TRDN: variants seen among roughly 807,000 people sequenced by gnomAD.
TRDN encodes triadin in skeletal muscle.
Under a neutral mutation model 149.7 loss-of-function variants are expected in TRDN, and 161 were observed. That is an observed-to-expected ratio of 1.08 (90% confidence interval 0.95 to 1.23). The LOEUF is 1.23. TRDN is among the 50% of genes most tolerant of loss of function. The pLI is 0.00. For missense variants in TRDN, 896 were observed against 823.5 expected (o/e 1.09, Z -1.08); for synonymous variants, 294 against 250.5 (o/e 1.17, Z -1.64).
At chr6:123,516,843 A>C (rs1583176048) in intron 5 of TRDN, among the ~76,000 whole-genome samples, 1 of 152,176 alleles carries the variant, frequency 6.6e-6, no homozygotes, top group East Asian at 1.9e-4. Context: ...TGCTAGAAAC[A>C]TGAGACTCAT....
chr6:123,486,956 C>G (rs1164637228), intron 9 of TRDN, among the ~76,000 whole-genome samples: 2 of 151,860 alleles, frequency 1.3e-5, no homozygotes, highest in Admixed American at 1.3e-4. Context: ...GATAGTAGAA[C>G]AAAGGCTAGG....
In TRDN at chr6:123,312,640, C is replaced by A. The variant is rs1483297103; in HGVS notation, c.1510+3817G>T. Among the ~76,000 whole-genome samples the A allele has an allele frequency of 1.3e-5, 2 of 151,852 alleles. 1 individual carries two copies. The highest frequency in any genetic ancestry group is 4.1e-4 in the South Asian group (2 of 4,824). ...TTCAACTGCATGGGGGTTAATGAACCTAACTACCACATTGTTCAAGAGTCA... is the reference window on the plus strand; with the variant it reads ...TTCAACTGCATGGGGGTTAATGAACATAACTACCACATTGTTCAAGAGTCA... On this transcript the variant is annotated intron_variant, in intron 24 of 40. Coordinates refer to ENST00000334268, the MANE Select transcript of TRDN (RefSeq NM_006073.4).
intron 24 of TRDN, among the ~76,000 whole-genome samples, chr6:123,295,785 G>A (rs548560032): frequency 3.9e-5 from 6 of 151,942 alleles, no homozygotes; most frequent in Admixed American, 6.6e-5. Flanking sequence ...CCAACACAGC[G>A]AAACCCCATC....
chr6:123,496,709 T>A (rs9375255), intron 9 of TRDN, among the ~76,000 whole-genome samples: 126,052 of 152,032 alleles, frequency 0.83, 52,470 homozygotes, highest in East Asian at 0.88. Context: ...TCTATCTCCA[T>A]CAATAGTTCT....
chr6:123,593,537 G>T (rs1312923661), intron 1 of TRDN, among the ~76,000 whole-genome samples: 1 of 152,224 alleles, frequency 6.6e-6, no homozygotes, highest in Non-Finnish European at 1.5e-5. Flanking sequence ...AGTATTGATA[G>T]GGTTCTTTCT....
intron 1 of TRDN, among the ~76,000 whole-genome samples, chr6:123,599,651 A>T (rs1165521242): frequency 6.6e-6 from 1 of 151,934 alleles, no homozygotes; most frequent in African/African-American, 2.4e-5. Context: ...GGTTATTTGG[A>T]GCACAAATGT....
In TRDN at chr6:123,218,500, G is replaced by C. The variant is rs1241550871; in HGVS notation, c.*101C>G. 11 of 1,398,310 alleles carry C rather than the reference G, an allele frequency of 7.9e-6. No individual in the cohort carries two copies. Among genetic ancestry groups the C allele is most frequent in the Non-Finnish European group, 1.1e-5 (11 of 1,042,664 alleles). The allele number at this position is 1,398,310 out of a possible 1,614,324, so 86.6% of individuals were successfully genotyped here. A position where few individuals can be genotyped will look rare whatever the true frequency, so the allele number is the denominator to read the frequency against. ...GGCCAAAGAGCAAAATGTTTTCACA[G>C]AAATTCTCTGGGTTGCATATTCTTA... On this transcript the variant is annotated 3_prime_UTR_variant, in exon 41 of 41. Coordinates refer to ENST00000334268, the MANE Select transcript of TRDN (RefSeq NM_006073.4).
intron 38 of TRDN, among the ~76,000 whole-genome samples, chr6:123,240,953 C>A (rs1775968356): frequency 6.6e-6 from 1 of 151,730 alleles, no homozygotes; most frequent in Non-Finnish European, 1.5e-5. Context: ...TAGAAAGTAT[C>A]ATTAATTTAA....
chr6:123,577,091 C>T (rs535508907), intron 1 of TRDN, among the ~76,000 whole-genome samples: 1 of 152,218 alleles, frequency 6.6e-6, no homozygotes, highest in Non-Finnish European at 1.5e-5. Context: ...CAAGTGCCTT[C>T]ATTTGCTCAG....
chr6:123,335,446 T>C (rs371019859), intron 22 of TRDN, among the ~76,000 whole-genome samples: 386 of 151,960 alleles, frequency 2.5e-3, no homozygotes, highest in African/African-American at 8.6e-3. Context: ...GAAAATTACG[T>C]ATATAAGGTT....
intron 14 of TRDN, among the ~76,000 whole-genome samples, 181 bp downstream of exon 14, chr6:123,388,316 GAAAGACTAGATTAAAATTACTTTCA>G: frequency 6.6e-6 from 1 of 152,184 alleles, no homozygotes. Flanking sequence ...TATATCTTGA[GAAAGACTAGATTAAAATTACTTTCA>G]AAAAGTAGCT....
intron 1 of TRDN, among the ~76,000 whole-genome samples, chr6:123,632,825 G>A (rs1479336572): frequency 1.3e-5 from 2 of 151,814 alleles, no homozygotes. Context: ...TGTTTGCCTA[G>A]TTGTTAAGTA....
intron 20 of TRDN, among the ~76,000 whole-genome samples, chr6:123,356,549 A>ATATATATATG (rs1388124032): frequency 8.6e-6 from 1 of 116,276 alleles, no homozygotes; most frequent in Non-Finnish European, 1.8e-5. Context: ...ATATATATAT[A>ATATATATATG]GTTGTTGCTC....
intron 9 of TRDN, among the ~76,000 whole-genome samples, chr6:123,472,278 G>A (rs1307756366): frequency 1.3e-5 from 2 of 152,208 alleles, no homozygotes; most frequent in African/African-American, 4.8e-5. Context: ...GGAAGTGCAA[G>A]GGGTCAGGGA....
Position 123,382,129 on chromosome 6 carries a change from T to A in TRDN, c.1154A>T (p.Lys385Ile). The change falls in exon 15 of 41, where the codon AAA becomes ATA. Residue 385 changes from lysine (K) to isoleucine (I), a missense_variant. Coordinates refer to ENST00000334268, the MANE Select transcript of TRDN (RefSeq NM_006073.4). ...EKKEDSKKTK[K>I]PAEVEQPKGK... ...AATATGTCCAGTACCTTCTGCAGGT[T>A]TTTTTGTTTTCTTGGAATCTGAAAA... 4 of 1,500,478 alleles carry A rather than the reference T, an allele frequency of 2.7e-6. No individual in the cohort carries two copies. The highest frequency in any genetic ancestry group is 3.6e-6 in the Non-Finnish European group (4 of 1,124,218). The allele number at this position is 1,500,478 out of a possible 1,614,324, so 92.9% of individuals were successfully genotyped here.
At chr6:123,353,934 T>C (rs949893547) in intron 20 of TRDN, among the ~76,000 whole-genome samples, 1 of 151,754 alleles carries the variant, frequency 6.6e-6, no homozygotes, top group African/African-American at 2.4e-5. Flanking sequence ...TATTATAGGG[T>C]AAATACCAAT....
chr6:123,393,745 A>C, intron 12 of TRDN, 68 bp from the exon 13 acceptor site: 1 of 1,402,214 alleles, frequency 7.1e-7, no homozygotes, highest in South Asian at 1.3e-5. Context: ...TAAAAAAGGG[A>C]CAGGGGAGCA....
chr6:123,415,645 G>T (rs1163574027), intron 12 of TRDN, among the ~76,000 whole-genome samples: 3 of 152,128 alleles, frequency 2.0e-5, no homozygotes, highest in East Asian at 3.9e-4. Context: ...ACAATAAAAA[G>T]AAAATGATGT....
intron 12 of TRDN, among the ~76,000 whole-genome samples, chr6:123,425,055 A>G (rs976218474): frequency 6.6e-6 from 1 of 152,120 alleles, no homozygotes; most frequent in African/African-American, 2.4e-5. Flanking sequence ...GGTAGTGAGG[A>G]AAGTTCAGCT....
Sources: gnomAD v4.1 joint callset for allele counts (sites outside exome capture counted in the v4.1 genomes callset) on GRCh38, gnomAD v4.1.1 for gene constraint, MANE v1.5 for transcripts, NCBI Gene and HGNC (gene_info 2026-07-23, HGNC 2026-07-21) for gene names.